WNK2: variants seen among roughly 807,000 people sequenced by gnomAD.
WNK2 encodes serine/threonine-protein kinase WNK2.
Under a neutral mutation model 192.1 loss-of-function variants are expected in WNK2, and 67 were observed. The ratio of observed to expected loss-of-function variants is 0.35; its 90% CI spans 0.29 to 0.43. The LOEUF is 0.43. WNK2 is among the 20% of genes least tolerant of loss of function. The pLI, the probability that WNK2 is intolerant of heterozygous loss-of-function variation, is 1.00. For missense variants in WNK2, 2,698 were observed against 3,089.7 expected (o/e 0.87, Z 3.01); for synonymous variants, 1,439 against 1,393.9 (o/e 1.03, Z -0.72).
chr9:93,263,765 TG>T (rs1469166967), intron 15 of WNK2, 31 bp downstream of exon 15: 4 of 526,772 alleles, frequency 7.6e-6, no homozygotes, highest in South Asian at 6.1e-5. Context: ...GGGGGTGTGG[TG>T]GGGGTGGGGG....
At chr9:93,225,177 A>G (rs563826345) in intron 2 of WNK2, among the ~76,000 whole-genome samples, 1 of 152,268 alleles carries the variant, frequency 6.6e-6, no homozygotes, top group East Asian at 1.9e-4. Context: ...AGGCAGGAGG[A>G]TCTGTTGAGC....
intron 21 of WNK2, among the ~76,000 whole-genome samples, chr9:93,291,062 G>T (rs773085077): frequency 2.0e-5 from 3 of 152,206 alleles, no homozygotes; most frequent in Non-Finnish European, 2.9e-5. Flanking sequence ...CTTTAAGAGG[G>T]GTCGGGGCAG....
At chr9:93,218,741 G>GTCC (rs944825602) in intron 2 of WNK2, among the ~76,000 whole-genome samples, 1 of 152,230 alleles carries the variant, frequency 6.6e-6, no homozygotes, top group African/African-American at 2.4e-5. Flanking sequence ...ACAGCTGCCT[G>GTCC]TCCATGTTGG....
At chr9:93,205,985 A>G (rs1833302556) in intron 2 of WNK2, among the ~76,000 whole-genome samples, 1 of 148,650 alleles carries the variant, frequency 6.7e-6, no homozygotes, top group Non-Finnish European at 1.5e-5. Flanking sequence ...ACACCCCTGG[A>G]GGCAATTGTT....
chr9:93,297,809 C>A, intron 23 of WNK2, 44 bp from the exon 24 acceptor site: 1 of 1,533,114 alleles, frequency 6.5e-7, no homozygotes, highest in Non-Finnish European at 8.8e-7. Flanking sequence ...GTGTTGGAAA[C>A]ACCGAGGAAG....
intron 5 of WNK2, among the ~76,000 whole-genome samples, chr9:93,236,624 A>C (rs1362865362): frequency 6.6e-6 from 1 of 152,238 alleles, no homozygotes; most frequent in Non-Finnish European, 1.5e-5. Context: ...GCTGCTTCTG[A>C]GTCCGGTTGC....
chr9:93,253,120 C>T (rs760201386), intron 9 of WNK2, 38 bp downstream of exon 9: 1 of 1,353,840 alleles, frequency 7.4e-7, no homozygotes, highest in Non-Finnish European at 9.5e-7. Context: ...TTCCCCATCC[C>T]CATTACCTGG....
intron 8 of WNK2, among the ~76,000 whole-genome samples, chr9:93,248,607 C>T (rs1190447282): frequency 6.6e-6 from 1 of 152,192 alleles, no homozygotes; most frequent in Non-Finnish European, 1.5e-5. Flanking sequence ...CCTCCCATCC[C>T]CCGTAGTATC....
chr9:93,268,965 T>C, intron 19 of WNK2: 1 of 1,549,348 alleles, frequency 6.5e-7, no homozygotes, highest in East Asian at 2.4e-5. Flanking sequence ...GAGTCTGCCC[T>C]GTTACCCCAC....
chr9:93,234,977 T>C lies in WNK2; in HGVS notation c.1233+12T>C. ...GCAAGGTCACCTGTGTGAGTCCACC[T>C]GGCCCCTTGGTTAATTAATAAGGAC... On this transcript the variant is annotated intron_variant, in intron 5 of 29. Coordinates refer to ENST00000427277, the MANE Select transcript of WNK2 (RefSeq NM_006648.4). 1 of 1,613,818 alleles carries C rather than the reference T, an allele frequency of 6.2e-7. No homozygotes were observed. Among genetic ancestry groups the C allele is most frequent in the Non-Finnish European group, 8.5e-7 (1 of 1,179,800 alleles).
chr9:93,316,321 A>G (rs1000786130), intron 28 of WNK2: 5 of 152,210 alleles, frequency 3.3e-5, no homozygotes, highest in Admixed American at 3.3e-4. Context: ...TCTGCAGGCT[A>G]GCCCACTGGG....
intron 26 of WNK2, among the ~76,000 whole-genome samples, chr9:93,303,408 T>C (rs1407393073): frequency 1.3e-5 from 2 of 152,186 alleles, no homozygotes; most frequent in Non-Finnish European, 2.9e-5. Flanking sequence ...TGGTATCTCT[T>C]TGGGTTTTCT....
At chr9:93,231,720 A>G (rs895386054) in intron 4 of WNK2, among the ~76,000 whole-genome samples, 3 of 152,220 alleles carry the variant, frequency 2.0e-5, no homozygotes, top group African/African-American at 7.2e-5. Flanking sequence ...CTTCTTGGGC[A>G]TTTCAGGCCT....
intron 2 of WNK2, among the ~76,000 whole-genome samples, chr9:93,205,249 A>G (rs1219088463): frequency 6.6e-6 from 1 of 152,150 alleles, no homozygotes; most frequent in Non-Finnish European, 1.5e-5. Context: ...CACCTTACCC[A>G]CTTCCTGAGT....
intron 2 of WNK2, among the ~76,000 whole-genome samples, chr9:93,225,877 C>G (rs1402908523): frequency 6.6e-6 from 1 of 151,828 alleles, no homozygotes; most frequent in African/African-American, 2.4e-5. Context: ...CCAGGGACCT[C>G]GAGGGTCACC....
In WNK2 at chr9:93,288,774, C is replaced by T; in HGVS notation, c.4034-14C>T. 1.3e-6 allele frequency: 2 copies of T among 1,599,516 alleles called. No individual in the cohort carries two copies. Among genetic ancestry groups the T allele is most frequent in the Non-Finnish European group, 1.7e-6 (2 of 1,174,262 alleles). ...AGTACCCTGGTACAAAGGCATTTTCCCCATTTCTTCTAGATTCAGCGCCCT... is the reference window on the plus strand; with the variant it reads ...AGTACCCTGGTACAAAGGCATTTTCTCCATTTCTTCTAGATTCAGCGCCCT... On this transcript the variant is annotated splice_polypyrimidine_tract_variant and intron_variant, in intron 19 of 29. Transcript: ENST00000427277.
Position 93,252,904 on chromosome 9 carries a change from G to A in WNK2, c.1856G>A (p.Gly619Asp), listed in dbSNP as rs865972199. Residue 619 changes from glycine to aspartate, a missense_variant, in exon 9 of 30, where the codon GGC (glycine) becomes GAC (aspartate). By Grantham distance (94) the Gly-to-Asp change is moderately conservative (BLOSUM62 -1). Transcript: ENST00000427277. ...CCAGCGGACAGCACCTTCGACAGCG[G>A]CCAGGGCTCTACCGTGTACTCAGAC... The part of the protein sequence containing the change: ...SLASDSTFDS[G>D]QGSTVYSDSQ... 1 of 1,522,696 alleles carries A rather than the reference G, an allele frequency of 6.6e-7. No individual in the cohort carries two copies. Among genetic ancestry groups the A allele is most frequent in the Non-Finnish European group, 8.8e-7 (1 of 1,132,972 alleles). 94.3% of individuals were successfully genotyped at this position (1,522,696 alleles called of 1,614,324 possible).
intron 26 of WNK2, among the ~76,000 whole-genome samples, chr9:93,303,882 C>G (rs556591516): frequency 4.6e-5 from 7 of 152,206 alleles, no homozygotes; most frequent in African/African-American, 1.7e-4. Context: ...GGTTTTGTCC[C>G]TGGATGCCCA....
At chr9:93,219,820 C>T (rs550488732) in intron 2 of WNK2, among the ~76,000 whole-genome samples, 13 of 152,392 alleles carry the variant, frequency 8.5e-5, no homozygotes, top group African/African-American at 2.4e-4. Context: ...CCTGCTTCCT[C>T]GCTTGGGCTC....
Sources: allele counts gnomAD v4.1 joint callset (sites outside exome capture counted in the v4.1 genomes callset), GRCh38; gene constraint gnomAD v4.1.1; transcripts MANE v1.5; gene names NCBI Gene and HGNC (gene_info 2026-07-23, HGNC 2026-07-21).